Variants in USP3 observed in about 807,000 individuals in gnomAD.
USP3 encodes the protein ubiquitin specific peptidase 3.
Under a neutral mutation model 72.3 loss-of-function variants are expected in USP3, and 20 were observed. The ratio of observed to expected loss-of-function variants is 0.28; its 90% CI spans 0.19 to 0.40. USP3 has a LOEUF of 0.40. Ranked by LOEUF, USP3 falls within the 10% of genes least tolerant of loss-of-function variation. The probability of loss-of-function intolerance (pLI) is 1.00; values close to 1 mark genes in which losing one functional copy is unlikely to be tolerated. For synonymous variants in USP3, 222 were observed against 225.3 expected, an observed-to-expected ratio of 0.99 and a Z score of 0.13; for missense variants, 479 against 633.9, an observed-to-expected ratio of 0.76 and a Z score of 2.62.
chr15:63,571,347 C>T (rs1003009665), intron 9 of USP3, among the ~76,000 whole-genome samples: 1 of 152,158 alleles, frequency 6.6e-6, no homozygotes, highest in African/African-American at 2.4e-5. Flanking sequence ...CCTGGCAGTC[C>T]ATAAATCGGA....
At position 63,553,829 on chromosome 15, in the gene USP3, C is replaced by A; in HGVS notation, c.368+31C>A. ...TAATAGGCCTTTGGAAAAAGAAGGG[C>A]CTAAGAATGGGGTTGAGGAGTCTTT... On this transcript the variant is annotated intron_variant, in intron 4 of 14. Transcript: ENST00000380324. The surrounding 1 kb of genome is among the most constrained non-coding windows in gnomAD (Gnocchi z 4.2). 1 of 1,581,914 alleles carries A rather than the reference C, an allele frequency of 6.3e-7. No individual in the cohort carries two copies. The highest frequency in any genetic ancestry group is 8.6e-7 in the Non-Finnish European group (1 of 1,159,208).
intron 8 of USP3, 69 bp downstream of exon 8, chr15:63,563,077 A>G: frequency 8.9e-7 from 1 of 1,126,800 alleles, no homozygotes; most frequent in Non-Finnish European, 1.2e-6. Context: ...AATAATTCCT[A>G]ATGAAGTGGT....
chr15:63,534,968 G>T (rs1175902358), intron 2 of USP3, among the ~76,000 whole-genome samples: 2 of 152,106 alleles, frequency 1.3e-5, no homozygotes, highest in Non-Finnish European at 2.9e-5. Flanking sequence ...GTCTCACTCT[G>T]TCACCCAGGC....
intron 9 of USP3, among the ~76,000 whole-genome samples, chr15:63,573,240 T>C (rs2066808311): frequency 1.3e-5 from 2 of 152,236 alleles, no homozygotes; most frequent in African/African-American, 4.8e-5. Context: ...TGCTTTATTT[T>C]TGGTAAGTGC....
At position 63,574,794 on chromosome 15, in the gene USP3, G is replaced by A. The variant is rs912651563; in HGVS notation, c.1096+391G>A. Among the ~76,000 whole-genome samples, 1 of 152,184 alleles carries A rather than the reference G, an allele frequency of 6.6e-6. No homozygotes were observed. The highest frequency in any genetic ancestry group is 1.5e-5 in the Non-Finnish European group (1 of 68,018). ...TACGTATTCTGTTGCCTAATAGTTTGAGAAATCTATGGATGATACAACTGC... is the reference window on the plus strand; with the variant it reads ...TACGTATTCTGTTGCCTAATAGTTTAAGAAATCTATGGATGATACAACTGC... On this transcript the variant is annotated intron_variant, in intron 11 of 14. Transcript: ENST00000380324. The surrounding 1 kb of genome is among the most constrained non-coding windows in gnomAD (Gnocchi z 4.6).
rs1358517468 is a variant in USP3, at chr15:63,570,482, C to T, written c.811C>T (p.His271Tyr). The T allele has an allele frequency of 2.5e-6, 4 of 1,614,230 alleles. No homozygotes were observed. Among genetic ancestry groups the T allele is most frequent in the East Asian group, 2.2e-5 (1 of 44,886 alleles). ...AHEFMRYLLDHLHLELQGGFN... is the reference protein window; with the variant it reads ...AHEFMRYLLDYLHLELQGGFN... ...TGAATTCATGCGCTACCTTTTGGAC[C>T]ACCTACACTTGGAACTTCAGGGCGG... Residue 271 changes from histidine (H) to tyrosine (Y), a missense_variant, in exon 9 of 15, where the codon CAC becomes TAC. His to Tyr is a moderately conservative substitution (Grantham distance 83). Coordinates refer to ENST00000380324, the MANE Select transcript of USP3 (RefSeq NM_006537.4). The surrounding 1 kb of genome is among the most constrained non-coding windows in gnomAD (Gnocchi z 4.4).
intron 3 of USP3, chr15:63,551,425 T>C (rs2066434914): frequency 6.6e-6 from 1 of 151,776 alleles, no homozygotes; most frequent in African/African-American, 2.4e-5. Context: ...ATAAGTATTT[T>C]AATTTAATTG....
At chr15:63,585,800 AT>A (rs58350832) in intron 11 of USP3, among the ~76,000 whole-genome samples, 14 of 135,692 alleles carry the variant, frequency 1.0e-4, no homozygotes, top group African/African-American at 1.4e-4. Flanking sequence ...TGTGTCTAGA[AT>A]TTTTTTTTTT....
At chr15:63,562,743 G>T (rs1171618209) in intron 7 of USP3, 152 bp from the exon 8 acceptor site, 1 of 518,922 alleles carries the variant, frequency 1.9e-6, no homozygotes, top group East Asian at 3.1e-5. Flanking sequence ...TTTTTGAGAT[G>T]CTCTTATGTA....
At position 63,564,573 on chromosome 15, in the gene USP3, G is replaced by T. The variant is rs149210534; in HGVS notation, c.761+1565G>T. Among the ~76,000 whole-genome samples the T allele has an allele frequency of 8.1e-3, 1,229 of 152,156 alleles. 9 individuals carry two copies. The highest frequency in any genetic ancestry group is 0.012 in the Non-Finnish European group (792 of 67,996). On this transcript the variant is annotated intron_variant, in intron 8 of 14. Coordinates refer to ENST00000380324, the MANE Select transcript of USP3 (RefSeq NM_006537.4). ...TTCCTGTAAATCTTTCCACATCTCT[G>T]TCCTTTCTAGCTTCTGTAGCCCAAC...
Position 63,556,703 on chromosome 15 carries a change from A to G in USP3, c.405A>G (p.Lys135=), listed in dbSNP as rs757099582. 1.2e-6 allele frequency: 2 copies of G among 1,608,816 alleles called. No homozygotes were observed. Among genetic ancestry groups the G allele is most frequent in the African/African-American group, 2.7e-5 (2 of 74,778 alleles). The change falls in exon 5 of 15, where the codon AAA becomes AAG. Residue 135 remains lysine (K), a synonymous_variant. Transcript: ENST00000380324. ...CAGCTGACAGGCATAAGAAAAGAAA[A>G]CTTTTGGAAAACTCAACACTAAACA... ...AFTADRHKKR[K]LLENSTLNSK...
chr15:63,573,406 A>C (rs923969567), intron 9 of USP3, among the ~76,000 whole-genome samples: 2 of 152,184 alleles, frequency 1.3e-5, no homozygotes, highest in African/African-American at 4.8e-5. Flanking sequence ...TCGTTCTTAA[A>C]ACAGTATATT....
At chr15:63,546,520 C>A (rs1387489939) in intron 3 of USP3, among the ~76,000 whole-genome samples, 1 of 152,044 alleles carries the variant, frequency 6.6e-6, no homozygotes, top group Non-Finnish European at 1.5e-5. Flanking sequence ...ATAATTCTGA[C>A]CAAAAAGCTT....
At position 63,580,692 on chromosome 15, in the gene USP3, A is replaced by ACT. The variant is rs1270463042; in HGVS notation, c.1096+6289_1096+6290insCT. ...ATATGAATATATAATATATATGCAT[A>ACT]TATACTTATTTTAATATTTATATAA... On this transcript the variant is annotated intron_variant, in intron 11 of 14. Transcript: ENST00000380324. Among the ~76,000 whole-genome samples the ACT allele has an allele frequency of 6.1e-4, 38 of 61,950 alleles. 1 individual carries two copies. Among genetic ancestry groups the ACT allele is most frequent in the Non-Finnish European group, 1.2e-3 (33 of 27,662 alleles). 40.6% of individuals were successfully genotyped at this position (61,950 alleles called of 152,430 possible).
chr15:63,572,381 G>T (rs1162050606), intron 9 of USP3, among the ~76,000 whole-genome samples: 37 of 141,698 alleles, frequency 2.6e-4, no homozygotes, highest in African/African-American at 8.7e-4. Flanking sequence ...GCAGGGTTTT[G>T]TTTTTTTTTT....
At chr15:63,512,338 CTCTTCCTCCTCTTCCTCTTCT>C (rs748530517) in intron 1 of USP3, among the ~76,000 whole-genome samples, 2 of 137,588 alleles carry the variant, frequency 1.5e-5, no homozygotes, top group Non-Finnish European at 3.1e-5. Flanking sequence ...CCTCTTCCTC[CTCTTCCTCCTCTTCCTCTTCT>C]TCTTCTTTCT....
intron 1 of USP3, among the ~76,000 whole-genome samples, chr15:63,532,157 C>G (rs1567099066): frequency 6.6e-6 from 1 of 152,156 alleles, no homozygotes; most frequent in Admixed American, 6.6e-5. Context: ...TTTTATGCAA[C>G]TAAGAATTAC....
intron 3 of USP3, among the ~76,000 whole-genome samples, chr15:63,538,796 T>C (rs975619881): frequency 6.6e-6 from 1 of 152,124 alleles, no homozygotes; most frequent in African/African-American, 2.4e-5. Context: ...CCCGCCTGCC[T>C]CGGCCTCCCA....
At chr15:63,558,277 T>G in intron 6 of USP3, 89 bp downstream of exon 6, 6 of 1,428,242 alleles carry the variant, frequency 4.2e-6, no homozygotes, top group Non-Finnish European at 3.9e-6. Context: ...CTAACTCTAG[T>G]CATATGGTTT....
Sources: gnomAD v4.1 joint callset for allele counts (sites outside exome capture counted in the v4.1 genomes callset) on GRCh38, gnomAD v4.1.1 for gene constraint, Gnocchi (gnomAD v3.1) non-coding constraint, MANE v1.5 for transcripts, NCBI Gene and HGNC (gene_info 2026-07-23, HGNC 2026-07-21) for gene names.